The following CDKAL1 variants were observed in gnomAD, a reference collection of about 807,000 sequenced individuals.
The protein encoded by CDKAL1 is threonylcarbamoyladenosine tRNA methylthiotransferase.
Under a neutral mutation model 68.2 loss-of-function variants are expected in CDKAL1, and 32 were observed. The ratio of observed to expected loss-of-function variants is 0.47; its 90% confidence interval spans 0.35 to 0.63. CDKAL1 has a LOEUF of 0.63. Ranked by LOEUF, CDKAL1 falls within the 30% of genes least tolerant of loss-of-function variation. The probability of loss-of-function intolerance (pLI) is 0.00; values close to 1 mark genes in which losing one functional copy is unlikely to be tolerated. For synonymous variants in CDKAL1, 234 were observed against 244.3 expected (o/e 0.96, Z 0.39); for missense variants, 606 against 696.7 (o/e 0.87, Z 1.47).
chr6:20,837,981 GTATACT>G (rs1778021681), intron 8 of CDKAL1, among the ~76,000 whole-genome samples: 8 of 145,346 alleles, frequency 5.5e-5, no homozygotes, highest in Non-Finnish European at 6.0e-5. Context: ...GTGTGTGTGT[GTATACT>G]TCTATGTATA....
intron 4 of CDKAL1, among the ~76,000 whole-genome samples, chr6:20,570,654 G>T (rs748794567): frequency 6.6e-6 from 1 of 152,140 alleles, no homozygotes; most frequent in Non-Finnish European, 1.5e-5. Context: ...AACTGCCTTG[G>T]CTTCCCAAAG....
intron 5 of CDKAL1, among the ~76,000 whole-genome samples, chr6:20,676,708 A>G (rs2127786968): frequency 6.8e-6 from 1 of 146,160 alleles, no homozygotes; most frequent in East Asian, 1.9e-4. Context: ...TAAATAAAAT[A>G]AAATAAAATA....
At chr6:20,614,324 G>C (rs1313049746) in intron 4 of CDKAL1, among the ~76,000 whole-genome samples, 2 of 152,046 alleles carry the variant, frequency 1.3e-5, no homozygotes, top group Non-Finnish European at 2.9e-5. Flanking sequence ...GATTGTTTCT[G>C]CTGTTACTTT....
At position 20,676,665 on chromosome 6, in the gene CDKAL1, TTAAATAAATAAATAAATAAA is replaced by T. The variant is rs146546357; in HGVS notation, c.371+27309_371+27328del. Among the ~76,000 whole-genome samples, 406 of 132,896 alleles carry T rather than the reference TTAAATAAATAAATAAATAAA, an allele frequency of 3.1e-3. 4 individuals carry two copies. Among genetic ancestry groups the T allele is most frequent in the African/African-American group, 0.012 (356 of 30,600 alleles). The allele number at this position is 132,896 out of a possible 152,430, so 87.2% of individuals were successfully genotyped here. A position where few individuals can be genotyped will look rare whatever the true frequency, so the allele number is the denominator to read the frequency against. ...CTGGGTGACAGAGCGAGACTCTGTCTTAAATAAATAAATAAATAAATAAATAAATAAATAAATAAAATAAA... is the reference window on the plus strand; with the variant it reads ...CTGGGTGACAGAGCGAGACTCTGTCTTAAATAAATAAATAAATAAAATAAA... On this transcript the variant is annotated intron_variant, in intron 5 of 15. Transcript: ENST00000274695.
At chr6:21,087,535 T>C (rs185177695) in intron 12 of CDKAL1, among the ~76,000 whole-genome samples, 196 of 152,254 alleles carry the variant, frequency 1.3e-3, no homozygotes, top group African/African-American at 4.6e-3. Flanking sequence ...GTGTACAAGC[T>C]AGGACACCAC....
chr6:20,991,125 A>G (rs1766767227), intron 10 of CDKAL1, among the ~76,000 whole-genome samples: 1 of 152,234 alleles, frequency 6.6e-6, no homozygotes, highest in African/African-American at 2.4e-5. Flanking sequence ...AAAAGATATA[A>G]AAAACATAAT....
intron 13 of CDKAL1, among the ~76,000 whole-genome samples, chr6:21,180,932 A>C (rs540142012): frequency 6.6e-6 from 1 of 152,312 alleles, no homozygotes; most frequent in African/African-American, 2.4e-5. Flanking sequence ...ATTTATAAAG[A>C]AAATAAATTT....
At chr6:20,650,930 A>C (rs1325378108) in intron 5 of CDKAL1, among the ~76,000 whole-genome samples, 1 of 152,152 alleles carries the variant, frequency 6.6e-6, no homozygotes, top group Non-Finnish European at 1.5e-5. Context: ...TTTTTACACC[A>C]GTCCTATGAA....
chr6:21,223,013 CA>C (rs1779593455), intron 15 of CDKAL1, among the ~76,000 whole-genome samples: 1 of 152,086 alleles, frequency 6.6e-6, no homozygotes, highest in Admixed American at 6.5e-5. Flanking sequence ...CAACGTGGCT[CA>C]GAACTGCAAG....
chr6:20,751,436 G>A (rs1321440451), intron 6 of CDKAL1, among the ~76,000 whole-genome samples: 1 of 152,164 alleles, frequency 6.6e-6, no homozygotes. Flanking sequence ...AGCCACATTT[G>A]AAGTCTGTAA....
intron 10 of CDKAL1, among the ~76,000 whole-genome samples, chr6:20,984,567 T>C (rs1047540112): frequency 6.6e-6 from 1 of 152,124 alleles, no homozygotes; most frequent in African/African-American, 2.4e-5. Flanking sequence ...AGGAATGAGG[T>C]TGCATGATCG....
At chr6:21,012,007 A>C (rs1048219437) in intron 11 of CDKAL1, among the ~76,000 whole-genome samples, 1 of 152,194 alleles carries the variant, frequency 6.6e-6, no homozygotes, top group African/African-American at 2.4e-5. Context: ...GAACTCTGTA[A>C]GGCTCCAGCA....
intron 9 of CDKAL1, among the ~76,000 whole-genome samples, chr6:20,890,188 C>T (rs1295265231): frequency 6.6e-6 from 1 of 152,234 alleles, no homozygotes; most frequent in Admixed American, 6.5e-5. Context: ...GGACTGTTAG[C>T]ACTCGCCTTG....
chr6:20,743,151 T>G (rs1773529365), intron 6 of CDKAL1, among the ~76,000 whole-genome samples: 1 of 152,170 alleles, frequency 6.6e-6, no homozygotes, highest in Non-Finnish European at 1.5e-5. Context: ...GGAAACTATT[T>G]TTAGCAGGAA....
At chr6:20,783,436 T>A (rs1052754908) in intron 8 of CDKAL1, among the ~76,000 whole-genome samples, 2 of 152,208 alleles carry the variant, frequency 1.3e-5, no homozygotes, top group Admixed American at 1.3e-4. Flanking sequence ...TTCTTCATTT[T>A]GTCACTCCCT....
chr6:21,002,179 T>G (rs980826326), intron 11 of CDKAL1, among the ~76,000 whole-genome samples: 2 of 152,208 alleles, frequency 1.3e-5, no homozygotes, highest in Admixed American at 6.5e-5. Flanking sequence ...ATGTCAGGTA[T>G]TAGGAAATAG....
intron 9 of CDKAL1, among the ~76,000 whole-genome samples, chr6:20,908,336 G>A (rs1412457624): frequency 1.3e-5 from 2 of 152,168 alleles, no homozygotes; most frequent in Admixed American, 1.3e-4. Flanking sequence ...ATCACATTTG[G>A]ATGGGCCTAA....
chr6:20,546,468 A>G lies in CDKAL1; in HGVS notation c.118A>G (p.Arg40Gly). The part of the protein sequence containing the change: ...VRKDVVPKVR[R>G]RNTQKYLQEE... ...AAAGGATGTTGTCCCGAAGGTACGA[A>G]GGCGAAATACCCAAAAATATTTGCA... Residue 40 changes from arginine (R) to glycine (G), a missense_variant, in exon 3 of 16, where the codon AGG becomes GGG. Arg to Gly is a moderately radical substitution (Grantham distance 125). Transcript: ENST00000274695. 1 of 1,614,192 alleles carries G rather than the reference A, an allele frequency of 6.2e-7. No homozygotes were observed. Among genetic ancestry groups the G allele is most frequent in the Non-Finnish European group, 8.5e-7 (1 of 1,180,024 alleles).
intron 9 of CDKAL1, among the ~76,000 whole-genome samples, chr6:20,925,863 G>A (rs1763162431): frequency 6.6e-6 from 1 of 152,000 alleles, no homozygotes; most frequent in Non-Finnish European, 1.5e-5. Context: ...TTTTATGATT[G>A]AGTGATACTC....
Sources: allele counts gnomAD v4.1 joint callset (sites outside exome capture counted in the v4.1 genomes callset), GRCh38; gene constraint gnomAD v4.1.1; transcripts MANE v1.5; gene names NCBI Gene and HGNC (gene_info 2026-07-23, HGNC 2026-07-21).